ULK4: variants seen among roughly 807,000 people sequenced by gnomAD.
ULK4 encodes inactive serine/threonine-protein kinase ULK4.
A neutral mutation model predicts 160.6 loss-of-function variants in ULK4; 133 were observed. The observed-to-expected ratio is 0.83, with a 90% CI of 0.72 to 0.96. The LOEUF (loss-of-function observed/expected upper bound fraction) is 0.96. Ranked by LOEUF, ULK4 falls within the 40% of genes least tolerant of loss-of-function variation. ULK4 has a pLI of 0.00. For synonymous variants in ULK4, 534 were observed against 539.8 expected, an observed-to-expected ratio of 0.99 and a Z score of 0.15; for missense variants, 1,580 against 1,499.5, an observed-to-expected ratio of 1.05 and a Z score of -0.89.
chr3:41,305,410 C>G (rs1167063405), intron 35 of ULK4, among the ~76,000 whole-genome samples: 2 of 152,220 alleles, frequency 1.3e-5, no homozygotes, highest in Non-Finnish European at 2.9e-5. Context: ...TTGGTGGAGA[C>G]GGGGTTTCGC....
intron 32 of ULK4, among the ~76,000 whole-genome samples, chr3:41,484,186 C>G (rs2084424907): frequency 6.6e-6 from 1 of 152,142 alleles, no homozygotes; most frequent in African/African-American, 2.4e-5. Context: ...CGGGAACTTA[C>G]AGAACCCAAT....
chr3:41,575,615 G>A (rs1302772185), intron 31 of ULK4, among the ~76,000 whole-genome samples: 3 of 152,222 alleles, frequency 2.0e-5, no homozygotes, highest in African/African-American at 7.2e-5. Context: ...TTGACTGACA[G>A]ATACAGTAGA....
intron 32 of ULK4, among the ~76,000 whole-genome samples, chr3:41,523,213 A>G (rs1369477587): frequency 2.6e-5 from 4 of 152,108 alleles, no homozygotes; most frequent in Non-Finnish European, 5.9e-5. Flanking sequence ...CCAGCCCCAG[A>G]CCAAGTTTTA....
At chr3:41,750,726 T>G (rs1488837062) in intron 22 of ULK4, among the ~76,000 whole-genome samples, 1 of 152,046 alleles carries the variant, frequency 6.6e-6, no homozygotes, top group Non-Finnish European at 1.5e-5. Flanking sequence ...CCGGGTGTGG[T>G]GGCTCACATC....
intron 22 of ULK4, among the ~76,000 whole-genome samples, chr3:41,733,253 TAAAAC>T (rs2037897130): frequency 1.3e-5 from 2 of 151,948 alleles, no homozygotes; most frequent in Admixed American, 6.6e-5. Flanking sequence ...CAAGTAAAAA[TAAAAC>T]AAAAGAACTA....
intron 17 of ULK4, among the ~76,000 whole-genome samples, chr3:41,873,679 G>A (rs577481021): frequency 4.6e-5 from 7 of 152,044 alleles, no homozygotes; most frequent in South Asian, 2.1e-4. Context: ...TTAGTCTCTC[G>A]AGTAACTGAG....
intron 1 of ULK4, among the ~76,000 whole-genome samples, chr3:41,961,334 T>A (rs1700658531): frequency 6.6e-6 from 1 of 152,046 alleles, no homozygotes; most frequent in African/African-American, 2.4e-5. Context: ...TGCCCCAAAT[T>A]TACGGAATCA....
At chr3:41,711,461 A>T (rs1255043264) in intron 25 of ULK4, among the ~76,000 whole-genome samples, 1 of 152,230 alleles carries the variant, frequency 6.6e-6, no homozygotes, top group Non-Finnish European at 1.5e-5. Context: ...GATATGTTAA[A>T]GGAAAAAAGA....
At chr3:41,438,769 A>G (rs2083092472) in intron 34 of ULK4, among the ~76,000 whole-genome samples, 1 of 152,028 alleles carries the variant, frequency 6.6e-6, no homozygotes, top group African/African-American at 2.4e-5. Flanking sequence ...CGAGGCTGCC[A>G]TGAGCTGTGA....
chr3:41,785,647 G>C (rs1447769206), intron 21 of ULK4, among the ~76,000 whole-genome samples: 1 of 152,142 alleles, frequency 6.6e-6, no homozygotes, highest in Non-Finnish European at 1.5e-5. Context: ...TTGCTCCTGG[G>C]TCTCTTCCTC....
intron 18 of ULK4, among the ~76,000 whole-genome samples, chr3:41,820,101 AAAAT>A (rs1402928691): frequency 6.6e-6 from 1 of 152,214 alleles, no homozygotes; most frequent in Non-Finnish European, 1.5e-5. Context: ...ATACAATCAG[AAAAT>A]AAATCAGGTA....
intron 35 of ULK4, among the ~76,000 whole-genome samples, chr3:41,263,597 A>C (rs1214910820): frequency 1.4e-5 from 1 of 69,618 alleles, no homozygotes; most frequent in African/African-American, 3.1e-5. Flanking sequence ...AATATAAAGT[A>C]AAAAAACACA....
At chr3:41,840,663 C>G (rs977350992) in intron 17 of ULK4, among the ~76,000 whole-genome samples, 2 of 152,234 alleles carry the variant, frequency 1.3e-5, no homozygotes, top group African/African-American at 2.4e-5. Flanking sequence ...GACGGAGTCT[C>G]GCTCACTCAA....
At chr3:41,663,294 A>C (rs1293030036) in intron 30 of ULK4, among the ~76,000 whole-genome samples, 1 of 152,196 alleles carries the variant, frequency 6.6e-6, no homozygotes, top group Non-Finnish European at 1.5e-5. Context: ...ATTGAGATTT[A>C]ATAAACTGCT....
At chr3:41,925,446 G>T (rs920733381) in intron 5 of ULK4, among the ~76,000 whole-genome samples, 2 of 152,194 alleles carry the variant, frequency 1.3e-5, no homozygotes, top group African/African-American at 4.8e-5. Flanking sequence ...CGCCACCAGG[G>T]CACTGGGTTT....
intron 16 of ULK4, among the ~76,000 whole-genome samples, chr3:41,894,066 A>G (rs1698068436): frequency 2.0e-5 from 3 of 152,212 alleles, no homozygotes; most frequent in African/African-American, 7.2e-5. Context: ...AGTGGGGGAA[A>G]AAAACAGTAT....
At chr3:41,419,570 G>A (rs138432948) in intron 34 of ULK4, among the ~76,000 whole-genome samples, 1,703 of 152,288 alleles carry the variant, frequency 0.011, 17 homozygotes, top group Non-Finnish European at 0.017. Flanking sequence ...CCCTGCAGTG[G>A]TGGCGGTGGA....
rs559674104 is a variant in ULK4, at chr3:41,800,347, T to C, written c.1849-54A>G. 48 of 1,522,342 alleles carry C rather than the reference T, an allele frequency of 3.2e-5. No individual in the cohort carries two copies. The African/African-American group carries it at 6.1e-4, about 19-fold the overall frequency. 94.3% of individuals were successfully genotyped at this position (1,522,342 alleles called of 1,614,324 possible). On this transcript the variant is annotated intron_variant, in intron 19 of 36. Transcript: ENST00000301831. ...TAGTGTGAGAAATAAATACATGTTA[T>C]TTCTTTATGACCATTGTAAATAATG...
chr3:41,324,639 A>G (rs1187680728), intron 35 of ULK4, among the ~76,000 whole-genome samples: 3 of 152,196 alleles, frequency 2.0e-5, no homozygotes, highest in African/African-American at 7.2e-5. Context: ...GGAAGTGGCC[A>G]TGGGCTGTGA....
Sources: allele counts gnomAD v4.1 joint callset (sites outside exome capture counted in the v4.1 genomes callset), GRCh38; gene constraint gnomAD v4.1.1; transcripts MANE v1.5; gene names NCBI Gene and HGNC (gene_info 2026-07-23, HGNC 2026-07-21).